The following UGGT2 variants were observed in gnomAD, a reference collection of about 807,000 sequenced individuals.
The protein encoded by UGGT2 is UDP-glucose:glycoprotein glucosyltransferase 2.
In UGGT2, 180 loss-of-function variants were observed where a neutral mutation model predicts 192.1. The observed-to-expected ratio is 0.94, with a 90% CI of 0.83 to 1.06. The LOEUF is 1.06. Among genes scored for constraint, UGGT2 ranks in the 50% least tolerant of loss-of-function variants. The pLI is 0.00. For missense variants in UGGT2, 1,849 were observed against 1,795.7 expected, an observed-to-expected ratio of 1.03 and a Z score of -0.54; for synonymous variants, 580 against 591.0, an observed-to-expected ratio of 0.98 and a Z score of 0.27.
intron 38 of UGGT2, among the ~76,000 whole-genome samples, chr13:95,814,513 GCTTACATCTC>G (rs1566535585): frequency 6.6e-6 from 1 of 152,150 alleles, no homozygotes; most frequent in African/African-American, 2.4e-5. Context: ...TTTATCCAAT[GCTTACATCTC>G]CTTTGTATCT....
chr13:95,927,100 TAGAGA>T lies in UGGT2; in HGVS notation c.2123_2127del (p.Phe708TyrfsTer10), dbSNP rs781265508. 1.2e-6 allele frequency: 2 copies of T among 1,611,488 alleles called. No homozygotes were observed. The highest frequency in any genetic ancestry group is 1.1e-5 in the South Asian group (1 of 90,516). ...TCTTGTGAATCCAAGAAAAAGAAAGTAGAGAAATCTTCAACATCAGCAGTTACTGA... is the reference window on the plus strand; with the variant it reads ...TCTTGTGAATCCAAGAAAAAGAAAGTAATCTTCAACATCAGCAGTTACTGA... On this transcript the variant is annotated frameshift_variant, in exon 19 of 39. Coordinates refer to ENST00000376747, the MANE Select transcript of UGGT2 (RefSeq NM_020121.4). LOFTEE classifies it high-confidence loss of function.
rs569345321 is a variant in UGGT2 at position 95,846,207 on chromosome 13, A to G, written c.4284+7336T>C. On this transcript the variant is annotated intron_variant, in intron 36 of 38. Transcript: ENST00000376747. ...GGAGGCCAAGGCTGGCAGATCACTCACGGTTAGGAGCTGGAGACCAGCCTG... is the reference window on the plus strand; with the variant it reads ...GGAGGCCAAGGCTGGCAGATCACTCGCGGTTAGGAGCTGGAGACCAGCCTG... 4.6e-3 allele frequency among the ~76,000 whole-genome samples: 696 copies of G among 152,240 alleles called. 5 individuals carry two copies. The highest frequency in any genetic ancestry group is 0.016 in the African/African-American group (667 of 41,556).
chr13:95,896,140 C>G (rs564986285), intron 22 of UGGT2, among the ~76,000 whole-genome samples: 12 of 152,070 alleles, frequency 7.9e-5, no homozygotes, highest in Middle Eastern at 3.2e-3. Flanking sequence ...TCAGAAAACA[C>G]GTCAACCAGA....
chr13:95,879,797 C>T (rs2047441018), intron 27 of UGGT2, among the ~76,000 whole-genome samples: 1 of 152,182 alleles, frequency 6.6e-6, no homozygotes, highest in Non-Finnish European at 1.5e-5. Context: ...CTTATGTTTC[C>T]ATCTTCCCTT....
In UGGT2 at chr13:95,948,610, T is replaced by C. The variant is rs184267476; in HGVS notation, c.1456-529A>G. On this transcript the variant is annotated intron_variant, in intron 13 of 38. Coordinates refer to ENST00000376747, the MANE Select transcript of UGGT2 (RefSeq NM_020121.4). ...TTAGATATTATTGGGCTAATAAAAT[T>C]ATATGCATAGATGATAAAGTGGTAT... Among the ~76,000 whole-genome samples, 85 of 152,344 alleles carry C rather than the reference T, an allele frequency of 5.6e-4. 3 individuals are homozygous for C. In the East Asian group the frequency reaches 0.016, roughly 29 times the overall value.
chr13:95,996,965 G>A (rs1373996507), intron 6 of UGGT2, among the ~76,000 whole-genome samples: 1 of 152,152 alleles, frequency 6.6e-6, no homozygotes, highest in Non-Finnish European at 1.5e-5. Flanking sequence ...TGTGAAGGGT[G>A]CTTTAGGATC....
chr13:95,877,669 T>C, intron 28 of UGGT2, 29 bp downstream of exon 28: 3 of 1,592,158 alleles, frequency 1.9e-6, no homozygotes, highest in Non-Finnish European at 2.6e-6. Context: ...AAACATCAAA[T>C]TAAACACCAT....
Position 95,854,416 on chromosome 13 carries a change from C to T in UGGT2, c.4068G>A (p.Gly1356=). 14 of 1,613,548 alleles carry T rather than the reference C, an allele frequency of 8.7e-6. No homozygotes were observed. Among genetic ancestry groups the T allele is most frequent in the Non-Finnish European group, 1.2e-5 (14 of 1,179,756 alleles). Residue 1356 remains glycine (G), a synonymous_variant, in exon 35 of 39, where the codon GGG becomes GGA. Coordinates refer to ENST00000376747, the MANE Select transcript of UGGT2 (RefSeq NM_020121.4). ...TGCGGCTATCACAAAATGGAGTATA[C>T]CCATAAGGAGCTCCATCCAGATCGA... ...RDFDLDGAPY[G]YTPFCDSRRE...
At chr13:96,041,610 C>G (rs2139200442) in intron 1 of UGGT2, among the ~76,000 whole-genome samples, 1 of 152,134 alleles carries the variant, frequency 6.6e-6, no homozygotes, top group South Asian at 2.1e-4. Flanking sequence ...GTTCTCAGCC[C>G]TGCTCGCCCA....
chr13:95,904,848 C>G (rs568646984), intron 20 of UGGT2, among the ~76,000 whole-genome samples: 2,500 of 151,268 alleles, frequency 0.017, 70 homozygotes, highest in African/African-American at 0.058. Flanking sequence ...ATTTCTAGTT[C>G]TAGATCCCTG....
intron 20 of UGGT2, among the ~76,000 whole-genome samples, chr13:95,915,597 C>G (rs572803847): frequency 6.6e-6 from 1 of 152,330 alleles, no homozygotes; most frequent in Admixed American, 6.5e-5. Flanking sequence ...GAAGCTTTAG[C>G]CACTCCAGTC....
At chr13:96,033,496 C>T (rs756431634) in intron 1 of UGGT2, among the ~76,000 whole-genome samples, 5 of 152,004 alleles carry the variant, frequency 3.3e-5, no homozygotes, top group Non-Finnish European at 5.9e-5. Flanking sequence ...ACTGAGTTGG[C>T]GGGGTGGGAG....
chr13:95,910,059 C>T (rs1168984401), intron 20 of UGGT2, among the ~76,000 whole-genome samples: 4 of 152,178 alleles, frequency 2.6e-5, no homozygotes, highest in Middle Eastern at 3.4e-3. Context: ...TCTGTCACCA[C>T]GAGGCCTGCC....
At position 95,987,901 on chromosome 13, in the gene UGGT2, A is replaced by C. The variant is rs570148954; in HGVS notation, c.932-1469T>G. ...GCTGGCCTATCTGAACTGCATCAAT[A>C]AGCTCCCTTGCCCTCAGATTTCTAG... On this transcript the variant is annotated intron_variant, in intron 8 of 38. Coordinates refer to ENST00000376747, the MANE Select transcript of UGGT2 (RefSeq NM_020121.4). Among the ~76,000 whole-genome samples the C allele has an allele frequency of 2.6e-5, 4 of 152,240 alleles. No homozygotes were observed. In the South Asian group the frequency reaches 8.3e-4, roughly 32 times the overall value.
chr13:96,046,309 T>C (rs2053307865), intron 1 of UGGT2, among the ~76,000 whole-genome samples: 2 of 152,166 alleles, frequency 1.3e-5, no homozygotes, highest in Non-Finnish European at 2.9e-5. Flanking sequence ...TGGATTCTTA[T>C]CTCTCGCGTT....
At chr13:96,002,047 C>A (rs1266104332) in intron 5 of UGGT2, among the ~76,000 whole-genome samples, 1 of 152,162 alleles carries the variant, frequency 6.6e-6, no homozygotes, top group African/African-American at 2.4e-5. Context: ...TAGGTTATTA[C>A]TACTTAAGTT....
intron 29 of UGGT2, among the ~76,000 whole-genome samples, chr13:95,870,750 G>A (rs994935881): frequency 7.9e-5 from 12 of 152,196 alleles, no homozygotes; most frequent in South Asian, 2.1e-4. Context: ...CATCTGCTAC[G>A]ATTTGAATGT....
chr13:95,971,855 G>A (rs1057019105), intron 11 of UGGT2, among the ~76,000 whole-genome samples: 2 of 152,030 alleles, frequency 1.3e-5, no homozygotes, highest in East Asian at 1.9e-4. Context: ...ATTTTCCAAC[G>A]TATTTCCAAA....
chr13:95,876,874 CTTTTTTTTTTTTTTT>C (rs1030869839), intron 29 of UGGT2: 2 of 75,754 alleles, frequency 2.6e-5, no homozygotes, highest in South Asian at 4.9e-4. Flanking sequence ...ACTCAGTCAT[CTTTTTTTTTTTTTTT>C]TTTTTTTTTT....
Sources: allele counts gnomAD v4.1 joint callset (sites outside exome capture counted in the v4.1 genomes callset), GRCh38; gene constraint gnomAD v4.1.1; transcripts MANE v1.5; gene names NCBI Gene and HGNC (gene_info 2026-07-23, HGNC 2026-07-21).